The following CHRM3 variants were observed in gnomAD, a reference collection of about 807,000 sequenced individuals.
CHRM3 encodes muscarinic acetylcholine receptor M3.
In CHRM3, 11 loss-of-function variants were observed where a neutral mutation model predicts 41.8. The observed-to-expected ratio is 0.26, with a 90% CI of 0.17 to 0.44. The LOEUF (loss-of-function observed/expected upper bound fraction) is 0.44. CHRM3 is among the 20% of genes least tolerant of loss of function. The probability of loss-of-function intolerance (pLI) is 1.00; values close to 1 mark genes in which losing one functional copy is unlikely to be tolerated. For synonymous variants in CHRM3, 297 were observed against 301.4 expected (o/e 0.99, Z 0.15); for missense variants, 571 against 745.4 (o/e 0.77, Z 2.72).
chr1:239,544,923 A>C (rs1270180012), intron 2 of CHRM3, among the ~76,000 whole-genome samples: 2 of 152,208 alleles, frequency 1.3e-5, no homozygotes, highest in East Asian at 3.9e-4. Context: ...GTAAAGCAGC[A>C]CGTTCTATAG....
At chr1:239,533,535 A>C (rs1241076734) in intron 2 of CHRM3, among the ~76,000 whole-genome samples, 6 of 151,414 alleles carry the variant, frequency 4.0e-5, no homozygotes, top group African/African-American at 1.5e-4. Context: ...CAGGAGTTTG[A>C]GACCAGCTTG....
chr1:239,405,106 T>A (rs1660491556), intron 1 of CHRM3, among the ~76,000 whole-genome samples: 1 of 152,188 alleles, frequency 6.6e-6, no homozygotes, highest in African/African-American at 2.4e-5. Context: ...AAAGGTCTTC[T>A]ATAAATAAGT....
chr1:239,390,750 C>G (rs746620714), intron 1 of CHRM3, among the ~76,000 whole-genome samples: 1 of 152,162 alleles, frequency 6.6e-6, no homozygotes, highest in African/African-American at 2.4e-5. Context: ...GAACTAGCAC[C>G]TGGAGAGCTC....
At chr1:239,905,664 C>T (rs981252165) in intron 6 of CHRM3, among the ~76,000 whole-genome samples, 1 of 152,120 alleles carries the variant, frequency 6.6e-6, no homozygotes, top group Non-Finnish European at 1.5e-5. Flanking sequence ...CAAGATCACA[C>T]CCCTGCACTC....
chr1:239,438,038 A>G (rs1466424506), intron 1 of CHRM3, among the ~76,000 whole-genome samples: 1 of 152,232 alleles, frequency 6.6e-6, no homozygotes, highest in Non-Finnish European at 1.5e-5. Context: ...GAAGCAGCAG[A>G]TGGAACCACA....
At chr1:239,562,957 A>G (rs1326526135) in intron 3 of CHRM3, among the ~76,000 whole-genome samples, 1 of 152,110 alleles carries the variant, frequency 6.6e-6, no homozygotes, top group African/African-American at 2.4e-5. Context: ...ATGTAAAGAA[A>G]AATGTTACAG....
chr1:239,691,423 A>G (rs1004767425), intron 5 of CHRM3, among the ~76,000 whole-genome samples: 11 of 151,780 alleles, frequency 7.2e-5, no homozygotes, highest in African/African-American at 2.4e-4. Context: ...CAAAAAAAAA[A>G]GAAAGAAAAT....
intron 2 of CHRM3, among the ~76,000 whole-genome samples, chr1:239,504,860 T>C (rs1668462116): frequency 6.6e-6 from 1 of 151,566 alleles, no homozygotes; most frequent in African/African-American, 2.4e-5. Flanking sequence ...GGAGCTAAGC[T>C]ATGAGGATGC....
chr1:239,861,091 A>AGAGG (rs1675601466), intron 6 of CHRM3, among the ~76,000 whole-genome samples: 1 of 152,186 alleles, frequency 6.6e-6, no homozygotes, highest in Non-Finnish European at 1.5e-5. Flanking sequence ...AACCTCTATT[A>AGAGG]TTAACATTCA....
At chr1:239,782,747 A>T (rs1668598221) in intron 5 of CHRM3, among the ~76,000 whole-genome samples, 1 of 152,066 alleles carries the variant, frequency 6.6e-6, no homozygotes, top group Admixed American at 6.6e-5. Flanking sequence ...TATACACTCA[A>T]TGCGATAAAT....
At chr1:239,405,455 G>A (rs1333148200) in intron 1 of CHRM3, among the ~76,000 whole-genome samples, 2 of 152,096 alleles carry the variant, frequency 1.3e-5, no homozygotes, top group Non-Finnish European at 2.9e-5. Context: ...GTACTTGTAA[G>A]GGAATTTCTA....
chr1:239,511,304 T>G (rs1668902243), intron 2 of CHRM3, among the ~76,000 whole-genome samples: 1 of 152,220 alleles, frequency 6.6e-6, no homozygotes, highest in African/African-American at 2.4e-5. Flanking sequence ...TATGCAGTAC[T>G]GGTTATTGTT....
intron 3 of CHRM3, among the ~76,000 whole-genome samples, chr1:239,615,507 T>G (rs1667535448): frequency 6.6e-6 from 1 of 152,194 alleles, no homozygotes; most frequent in African/African-American, 2.4e-5. Context: ...AGGCAGTAGC[T>G]TTGGTTATTA....
At chr1:239,754,360 T>C (rs1666070758) in intron 5 of CHRM3, among the ~76,000 whole-genome samples, 1 of 152,184 alleles carries the variant, frequency 6.6e-6, no homozygotes, top group South Asian at 2.1e-4. Context: ...CATGTTTTTG[T>C]TGGGTGGTGG....
chr1:239,797,617 T>G (rs970761402), intron 5 of CHRM3, among the ~76,000 whole-genome samples: 2 of 152,226 alleles, frequency 1.3e-5, no homozygotes, highest in Non-Finnish European at 2.9e-5. Context: ...TCGGGTCTAT[T>G]TCCTTTTGTT....
At chr1:239,438,375 G>A (rs550934387) in intron 1 of CHRM3, among the ~76,000 whole-genome samples, 8 of 152,196 alleles carry the variant, frequency 5.3e-5, no homozygotes, top group African/African-American at 1.9e-4. Context: ...GCTGAAAGTG[G>A]GGTTACACTT....
chr1:239,467,247 T>C (rs1665797644), intron 1 of CHRM3, among the ~76,000 whole-genome samples: 1 of 152,172 alleles, frequency 6.6e-6, no homozygotes, highest in African/African-American at 2.4e-5. Flanking sequence ...AAATTATCTG[T>C]GATGAAGAGG....
At chr1:239,854,100 A>G (rs1674914059) in intron 6 of CHRM3, among the ~76,000 whole-genome samples, 1 of 152,100 alleles carries the variant, frequency 6.6e-6, no homozygotes, top group African/African-American at 2.4e-5. Flanking sequence ...TAAAATCTTA[A>G]AAAATACCTA....
At chr1:239,575,805 A>AC (rs978323878) in intron 3 of CHRM3, among the ~76,000 whole-genome samples, 66 of 152,162 alleles carry the variant, frequency 4.3e-4, no homozygotes, top group African/African-American at 1.5e-3. Flanking sequence ...GTAAAAAAAA[A>AC]ACACGTAAAA....
Sources: allele counts gnomAD v4.1 joint callset (sites outside exome capture counted in the v4.1 genomes callset), GRCh38; gene constraint gnomAD v4.1.1; transcripts MANE v1.5; gene names NCBI Gene and HGNC (gene_info 2026-07-23, HGNC 2026-07-21).